RPS6KA2: variants seen among roughly 807,000 people sequenced by gnomAD.
RPS6KA2 encodes the protein ribosomal protein S6 kinase alpha-2.
In RPS6KA2, 42 loss-of-function variants were observed where a neutral mutation model predicts 91.8. That is an observed-to-expected ratio of 0.46 (90% CI 0.36 to 0.59). The LOEUF (loss-of-function observed/expected upper bound fraction) is 0.59. RPS6KA2 is among the 20% of genes least tolerant of loss of function. The pLI is 0.00. For missense variants in RPS6KA2, 798 were observed against 978.5 expected, an observed-to-expected ratio of 0.82 and a Z score of 2.46; for synonymous variants, 414 against 393.6, an observed-to-expected ratio of 1.05 and a Z score of -0.61.
In RPS6KA2 at chr6:166,702,874, A is replaced by G. The variant is rs148302789; in HGVS notation, c.123+155326T>C. 802 of 884,306 alleles carry G rather than the reference A, an allele frequency of 9.1e-4. 4 individuals carry two copies. In the African/African-American group the frequency reaches 0.013, roughly 14 times the overall value. 54.8% of individuals were successfully genotyped at this position (884,306 alleles called of 1,614,324 possible). A position where few individuals can be genotyped will look rare whatever the true frequency, so the allele number is the denominator to read the frequency against. Reference sequence around the variant, plus strand: ...TGGTTGTTTAAAAAAAATTAATGAGAAAAACGAAAATTAAAACCACCCACG... The same window carrying G: ...TGGTTGTTTAAAAAAAATTAATGAGGAAAACGAAAATTAAAACCACCCACG... On this transcript the variant is annotated intron_variant, in intron 2 of 21. Coordinates refer to the RPS6KA2 transcript ENST00000503859.
intron 14 of RPS6KA2, among the ~76,000 whole-genome samples, chr6:166,446,706 T>G (rs2281058): frequency 0.16 from 24,520 of 152,166 alleles, 4,375 homozygotes; most frequent in African/African-American, 0.44. Flanking sequence ...GGGGATTTAC[T>G]TGCAGAGGCA....
chr6:166,748,670 ATCT>A lies in RPS6KA2; in HGVS notation c.123+109527_123+109529del, dbSNP rs1562416421. On this transcript the variant is annotated intron_variant, in intron 2 of 21. Coordinates refer to the RPS6KA2 transcript ENST00000503859. ...TGGGCCCCCACCTCCTCAGGCCCCC[ATCT>A]CCTCGGTCCCCCATTTCCTCAGGCC... is the stretch of plus-strand genomic sequence containing the variant. Among the ~76,000 whole-genome samples the A allele has an allele frequency of 4.7e-4, 26 of 54,746 alleles. 1 individual carries two copies. Among genetic ancestry groups the A allele is most frequent in the African/African-American group, 2.3e-3 (22 of 9,480 alleles). 35.9% of individuals were successfully genotyped at this position (54,746 alleles called of 152,430 possible). A position where few individuals can be genotyped will look rare whatever the true frequency, so the allele number is the denominator to read the frequency against.
chr6:166,524,746 A>G (rs1782967636), intron 3 of RPS6KA2, among the ~76,000 whole-genome samples: 1 of 152,214 alleles, frequency 6.6e-6, no homozygotes, highest in African/African-American at 2.4e-5. Context: ...CACGTCGGCA[A>G]TGATGTGGGG....
At chr6:166,777,038 T>G (rs1255153915) in intron 2 of RPS6KA2, among the ~76,000 whole-genome samples, 1 of 152,170 alleles carries the variant, frequency 6.6e-6, no homozygotes, top group African/African-American at 2.4e-5. Context: ...GCTGGTGGTC[T>G]TTTTGTTGTT....
At chr6:166,482,707 C>A (rs1583191118) in intron 10 of RPS6KA2, among the ~76,000 whole-genome samples, 1 of 152,202 alleles carries the variant, frequency 6.6e-6, no homozygotes, top group South Asian at 2.1e-4. Flanking sequence ...AAAACCCACC[C>A]AAATTAGTGA....
intron 1 of RPS6KA2, among the ~76,000 whole-genome samples, chr6:166,546,492 T>C (rs1783832630): frequency 6.6e-6 from 1 of 152,068 alleles, no homozygotes; most frequent in South Asian, 2.1e-4. Flanking sequence ...CTTTTTTTTT[T>C]TTTTTGTCTC....
At chr6:166,824,939 GAC>G (rs1156888858) in intron 2 of RPS6KA2, among the ~76,000 whole-genome samples, 1 of 152,200 alleles carries the variant, frequency 6.6e-6, no homozygotes, top group South Asian at 2.1e-4. Context: ...ATCACATCAG[GAC>G]AGTTGCAGGC....
intron 1 of RPS6KA2, among the ~76,000 whole-genome samples, chr6:166,621,313 G>T (rs1786623622): frequency 6.6e-6 from 1 of 152,208 alleles, no homozygotes; most frequent in Non-Finnish European, 1.5e-5. Flanking sequence ...CTGATATGCA[G>T]GTGCCTCCGG....
chr6:166,415,103 T>G (rs1292284163), intron 19 of RPS6KA2, among the ~76,000 whole-genome samples: 1 of 152,196 alleles, frequency 6.6e-6, no homozygotes, highest in East Asian at 1.9e-4. Context: ...ATATAGAATG[T>G]GAAGTTGAAT....
rs1018676458 is a variant in RPS6KA2 at position 166,825,668 on chromosome 6, T to C, written c.123+32532A>G. On this transcript the variant is annotated intron_variant, in intron 2 of 21. Transcript: ENST00000503859. This position sits in a 1 kb window ranked among gnomAD's most constrained non-coding sequence, Gnocchi z 4.1. ...GGATGAGAACCCACTTCCTAGTACA[T>C]AGACAGCAACTTCTCCCTGTGTCCC... Among the ~76,000 whole-genome samples the C allele has an allele frequency of 3.9e-5, 6 of 152,112 alleles. No homozygotes were observed. Among genetic ancestry groups the C allele is most frequent in the African/African-American group, 9.7e-5 (4 of 41,422 alleles).
At chr6:166,474,669 A>C (rs1481781050) in intron 10 of RPS6KA2, among the ~76,000 whole-genome samples, 2 of 152,204 alleles carry the variant, frequency 1.3e-5, no homozygotes, top group Non-Finnish European at 1.5e-5. Context: ...AAACCCCAGC[A>C]GTTCCTGATC....
At chr6:166,422,814 C>A (rs898491020) in intron 17 of RPS6KA2, among the ~76,000 whole-genome samples, 14 of 152,078 alleles carry the variant, frequency 9.2e-5, no homozygotes, top group Admixed American at 3.3e-4. Context: ...GTCGGGGAAC[C>A]AATCTGGAGT....
At chr6:166,796,476 C>G (rs945779435) in intron 2 of RPS6KA2, among the ~76,000 whole-genome samples, 1 of 151,702 alleles carries the variant, frequency 6.6e-6, no homozygotes, top group African/African-American at 2.4e-5. Flanking sequence ...GTAATCCCAG[C>G]TATTTGGGAG....
At chr6:166,510,379 G>A in intron 3 of RPS6KA2, 22 bp from the exon 4 acceptor site, 1 of 1,489,442 alleles carries the variant, frequency 6.7e-7, no homozygotes. Context: ...AAAGATAAAG[G>A]CTTTCATGAG....
intron 5 of RPS6KA2, among the ~76,000 whole-genome samples, chr6:166,506,205 C>T (rs945056950): frequency 3.9e-5 from 6 of 152,180 alleles, no homozygotes; most frequent in Non-Finnish European, 7.3e-5. Context: ...AAAGACTTTC[C>T]GCAGGTTCCC....
At chr6:166,631,915 G>A (rs149742984), upstream of RPS6KA2, among the ~76,000 whole-genome samples, 222 of 152,306 alleles carry the variant, frequency 1.5e-3, 2 homozygotes, top group South Asian at 0.013. Context: ...TAAATGCCTC[G>A]AAAAGACCTA....
chr6:166,668,997 C>T (rs1788397355), intron 2 of RPS6KA2, among the ~76,000 whole-genome samples: 1 of 151,590 alleles, frequency 6.6e-6, no homozygotes, highest in Non-Finnish European at 1.5e-5. Flanking sequence ...CTCAAGTGAT[C>T]CTCCCACCTC....
upstream of RPS6KA2, chr6:166,627,370 A>G: frequency 6.6e-6 from 2 of 300,768 alleles, no homozygotes; most frequent in Non-Finnish European, 9.6e-6. Flanking sequence ...CCCCGCCACT[A>G]CGGCCAATCA....
chr6:166,604,412 A>G (rs1367649892), intron 1 of RPS6KA2, among the ~76,000 whole-genome samples: 1 of 152,168 alleles, frequency 6.6e-6, no homozygotes, highest in African/African-American at 2.4e-5. Context: ...AAATTCAGAA[A>G]TTAATAAAGA....
Sources: allele counts gnomAD v4.1 joint callset (sites outside exome capture counted in the v4.1 genomes callset), GRCh38; gene constraint gnomAD v4.1.1; non-coding constraint Gnocchi (gnomAD v3.1); transcripts MANE v1.5; gene names NCBI Gene and HGNC (gene_info 2026-07-23, HGNC 2026-07-21).